The following SRGAP3 variants were observed in gnomAD, a reference collection of about 807,000 sequenced individuals.
SRGAP3 encodes SLIT-ROBO Rho GTPase activating protein 3.
SRGAP3 carries 39 observed loss-of-function variants against 121.1 expected under a neutral mutation model. The observed-to-expected ratio is 0.32, with a 90% CI of 0.25 to 0.42. SRGAP3 has a LOEUF of 0.42. SRGAP3 is among the 10% of genes least tolerant of loss of function. The probability of loss-of-function intolerance (pLI) is 1.00; values close to 1 mark genes in which losing one functional copy is unlikely to be tolerated. For missense variants in SRGAP3, 1,213 were observed against 1,470.6 expected (o/e 0.82, Z 2.86); for synonymous variants, 601 against 570.0 (o/e 1.05, Z -0.77).
At chr3:9,272,805 T>G (rs1559254050) in intron 3 of SRGAP3, among the ~76,000 whole-genome samples, 1 of 79,334 alleles carries the variant, frequency 1.3e-5, no homozygotes, top group Non-Finnish European at 3.5e-5. Flanking sequence ...TAATTCTGTT[T>G]ATTTTTTTTT....
At chr3:9,247,256 T>C (rs576875330) in intron 1 of SRGAP3, among the ~76,000 whole-genome samples, 5 of 152,188 alleles carry the variant, frequency 3.3e-5, no homozygotes, top group African/African-American at 1.2e-4. Flanking sequence ...GTTGGGTGAA[T>C]TAAAATCTCT....
chr3:9,197,648 T>G (rs1404003169), intron 1 of SRGAP3, among the ~76,000 whole-genome samples: 1 of 152,204 alleles, frequency 6.6e-6, no homozygotes, highest in East Asian at 1.9e-4. Flanking sequence ...TCTATAGTTG[T>G]GAGTGGCTCT....
At chr3:9,303,101 T>TTGTC (rs1955095640) in intron 3 of SRGAP3, among the ~76,000 whole-genome samples, 1 of 151,790 alleles carries the variant, frequency 6.6e-6, no homozygotes, top group Admixed American at 6.6e-5. Context: ...TTACATTTGT[T>TTGTC]TGTTTGTTTG....
chr3:9,160,652 A>G (rs2125075458), intron 1 of SRGAP3, among the ~76,000 whole-genome samples: 1 of 152,360 alleles, frequency 6.6e-6, no homozygotes, highest in East Asian at 1.9e-4. Context: ...ACTGTGTCAT[A>G]TGAGAAGTGT....
intron 1 of SRGAP3, among the ~76,000 whole-genome samples, chr3:9,159,444 T>C (rs943008500): frequency 1.3e-5 from 2 of 152,340 alleles, no homozygotes; most frequent in African/African-American, 2.4e-5. Flanking sequence ...ATTGGATCTA[T>C]TTGTCTTTCA....
At chr3:9,328,502 T>C (rs1014138019) in intron 2 of SRGAP3, among the ~76,000 whole-genome samples, 3 of 152,204 alleles carry the variant, frequency 2.0e-5, no homozygotes, top group Non-Finnish European at 4.4e-5. Context: ...TAGCACTCTT[T>C]AATAAAGTCC....
intron 3 of SRGAP3, among the ~76,000 whole-genome samples, chr3:9,259,128 G>A (rs187940314): frequency 3.3e-5 from 5 of 151,938 alleles, no homozygotes; most frequent in Admixed American, 6.5e-5. Flanking sequence ...GATCCTCCCC[G>A]GGTCCTGGCT....
chr3:9,348,012 C>A (rs914485791), intron 1 of SRGAP3, among the ~76,000 whole-genome samples: 57 of 152,366 alleles, frequency 3.7e-4, no homozygotes, highest in African/African-American at 1.3e-3. Context: ...CACACACTCA[C>A]AGACATGTAC....
chr3:9,030,562 TC>T, intron 12 of SRGAP3, among the ~76,000 whole-genome samples: 1 of 152,352 alleles, frequency 6.6e-6, no homozygotes, highest in South Asian at 2.1e-4. Flanking sequence ...GAAGGTGGCT[TC>T]CCAAGGTGAC....
At position 9,256,724 on chromosome 3, in the gene SRGAP3, G is replaced by C. The variant is rs117571373; in HGVS notation, n.442+69286C>G. 45 of 397,608 alleles carry C rather than the reference G, an allele frequency of 1.1e-4. No homozygotes were observed. The East Asian group carries it at 1.4e-3, about 13-fold the overall frequency. 24.6% of individuals were successfully genotyped at this position (397,608 alleles called of 1,614,324 possible). On this transcript the variant is annotated intron_variant and non_coding_transcript_variant, in intron 3 of 3. Coordinates refer to the SRGAP3 transcript ENST00000490889. Reference sequence around the variant, plus strand: ...ACTTAGCTGATTGGTGAATTTGAGAGAGACTAAGTTCACACATTAATCTTC... The same window carrying C: ...ACTTAGCTGATTGGTGAATTTGAGACAGACTAAGTTCACACATTAATCTTC...
At chr3:9,277,791 A>G (rs1362941497) in intron 3 of SRGAP3, among the ~76,000 whole-genome samples, 1 of 152,040 alleles carries the variant, frequency 6.6e-6, no homozygotes, top group Non-Finnish European at 1.5e-5. Context: ...AAACATAAAA[A>G]TAAAAATAAA....
Position 9,140,289 on chromosome 3 carries a change from G to A in SRGAP3, c.68-15372C>T, listed in dbSNP as rs942599028. On this transcript the variant is annotated intron_variant, in intron 1 of 21. Coordinates refer to ENST00000383836, the MANE Select transcript of SRGAP3 (RefSeq NM_014850.4). ...ACATTCACGCAATAAACTCCTATGTGGTGTAAGATTCACGTTGCATACAAA... is the reference window on the plus strand; with the variant it reads ...ACATTCACGCAATAAACTCCTATGTAGTGTAAGATTCACGTTGCATACAAA... Among the ~76,000 whole-genome samples, 10 of 152,242 alleles carry A rather than the reference G, an allele frequency of 6.6e-5. No homozygotes were observed. In the East Asian group the frequency reaches 1.7e-3, roughly 26 times the overall value.
intron 7 of SRGAP3, among the ~76,000 whole-genome samples, chr3:9,057,929 G>C (rs1421372313): frequency 6.6e-6 from 1 of 152,184 alleles, no homozygotes; most frequent in Non-Finnish European, 1.5e-5. Flanking sequence ...TGAGGCCCAG[G>C]CTTCCCGTGG....
chr3:9,050,337 G>GT (rs1361854390), intron 9 of SRGAP3, among the ~76,000 whole-genome samples: 1 of 152,208 alleles, frequency 6.6e-6, no homozygotes, highest in Non-Finnish European at 1.5e-5. Flanking sequence ...GCTCCAAGAA[G>GT]TTGAAGATGT....
chr3:9,183,620 C>T (rs1053183210), intron 1 of SRGAP3, among the ~76,000 whole-genome samples: 1 of 152,124 alleles, frequency 6.6e-6, no homozygotes, highest in Non-Finnish European at 1.5e-5. Flanking sequence ...TTACATACCT[C>T]TAGAATATTT....
intron 1 of SRGAP3, chr3:9,350,034 C>T (rs545892105): frequency 6.6e-6 from 1 of 152,106 alleles, no homozygotes; most frequent in Admixed American, 6.5e-5. Context: ...AGTACTAAAT[C>T]CTTTTTCCTG....
chr3:8,998,113 T>A (rs1231241463), intron 18 of SRGAP3, among the ~76,000 whole-genome samples: 1 of 152,176 alleles, frequency 6.6e-6, no homozygotes, highest in Non-Finnish European at 1.5e-5. Context: ...GGTCTCGAAC[T>A]TCTGGACTCG....
At chr3:9,270,754 T>C (rs1317920100) in intron 3 of SRGAP3, among the ~76,000 whole-genome samples, 1 of 151,946 alleles carries the variant, frequency 6.6e-6, no homozygotes, top group Non-Finnish European at 1.5e-5. Context: ...AGAAGGGAGG[T>C]GGGAGTTTCA....
intron 3 of SRGAP3, among the ~76,000 whole-genome samples, chr3:9,272,263 A>G (rs1954491314): frequency 6.6e-6 from 1 of 152,220 alleles, no homozygotes; most frequent in African/African-American, 2.4e-5. Context: ...TAAAATACAC[A>G]CAAGATCTAC....
Sources: gnomAD v4.1 joint callset for allele counts (sites outside exome capture counted in the v4.1 genomes callset) on GRCh38, gnomAD v4.1.1 for gene constraint, MANE v1.5 for transcripts, NCBI Gene and HGNC (gene_info 2026-07-23, HGNC 2026-07-21) for gene names.